Variants in GLYATL2 observed in about 807,000 individuals in gnomAD.
GLYATL2 encodes the protein glycine-N-acyltransferase like 2, also known as glycine N-acyltransferase-like protein 2.
Under a neutral mutation model 21.4 loss-of-function variants are expected in GLYATL2, and 25 were observed. The observed-to-expected ratio is 1.17, with a 90% CI of 0.85 to 1.63. GLYATL2 has a LOEUF of 1.63. GLYATL2 is among the 40% of genes most tolerant of loss of function. The probability of loss-of-function intolerance (pLI) is 0.00; values close to 1 mark genes in which losing one functional copy is unlikely to be tolerated. For missense variants in GLYATL2, 361 were observed against 343.3 expected (o/e 1.05, Z -0.41); for synonymous variants, 114 against 118.2 (o/e 0.96, Z 0.23).
chr11:58,888,736 T>C (rs917866739), intron 1 of GLYATL2, among the ~76,000 whole-genome samples: 2 of 151,920 alleles, frequency 1.3e-5, no homozygotes, highest in East Asian at 3.8e-4. Context: ...AGTTCACCAT[T>C]GTACATTATG....
At position 58,866,169 on chromosome 11, in the gene GLYATL2, C is replaced by T. The variant is rs983369401; in HGVS notation, n.61-27801G>A. Among the ~76,000 whole-genome samples the T allele has an allele frequency of 1.7e-4, 25 of 149,100 alleles. 3 individuals carry two copies. The highest frequency in any genetic ancestry group is 1.4e-3 in the Admixed American group (21 of 14,542). On this transcript the variant is annotated intron_variant and non_coding_transcript_variant, in intron 1 of 4. Transcript: ENST00000533636. ...CATGAAGTACCTAAACATCCCCTTT[C>T]TTCCTCTGTAAAAGCTTCAAGATTC... is the stretch of plus-strand genomic sequence containing the variant.
intron 1 of GLYATL2, among the ~76,000 whole-genome samples, chr11:58,863,045 C>A (rs994230584): frequency 6.6e-6 from 1 of 152,164 alleles, no homozygotes; most frequent in Admixed American, 6.5e-5. Flanking sequence ...GGCAGGCTAG[C>A]CTGGTGCCTG....
intron 1 of GLYATL2, among the ~76,000 whole-genome samples, chr11:58,869,697 A>C (rs1196215735): frequency 6.6e-6 from 1 of 152,226 alleles, no homozygotes; most frequent in Non-Finnish European, 1.5e-5. Flanking sequence ...GATTAAGTAA[A>C]TAAGTACAAA....
intron 1 of GLYATL2, among the ~76,000 whole-genome samples, chr11:58,865,341 T>G (rs1047852871): frequency 1.2e-4 from 18 of 148,648 alleles, no homozygotes; most frequent in African/African-American, 3.9e-4. Flanking sequence ...TCAATCAAAT[T>G]TTTCCTTAAC....
At chr11:58,883,702 C>A (rs950106544) in intron 1 of GLYATL2, among the ~76,000 whole-genome samples, 1 of 152,194 alleles carries the variant, frequency 6.6e-6, no homozygotes, top group African/African-American at 2.4e-5. Context: ...AGGGAATCTT[C>A]TCTAACTCAT....
intron 1 of GLYATL2, among the ~76,000 whole-genome samples, chr11:58,879,855 T>G (rs1854301186): frequency 0.17 from 1 of 6 alleles, no homozygotes; most frequent in South Asian, 0.5. Flanking sequence ...TTTTTCCTTG[T>G]TTTTTTTTTT....
intron 1 of GLYATL2, among the ~76,000 whole-genome samples, chr11:58,888,748 A>G (rs1444026270): frequency 6.6e-6 from 1 of 151,952 alleles, no homozygotes; most frequent in African/African-American, 2.4e-5. Flanking sequence ...TACATTATGC[A>G]ATATATGTAC....
chr11:58,849,024 A>G (rs544069095), upstream of GLYATL2, among the ~76,000 whole-genome samples: 1 of 152,330 alleles, frequency 6.6e-6, no homozygotes, highest in South Asian at 2.1e-4. Context: ...GAAACCTAGG[A>G]GACAGTGGCA....
At chr11:58,881,038 C>A (rs954368550) in intron 1 of GLYATL2, among the ~76,000 whole-genome samples, 2 of 152,086 alleles carry the variant, frequency 1.3e-5, no homozygotes, top group African/African-American at 2.4e-5. Context: ...GTTGTAAGTT[C>A]TTCACATTTT....
At chr11:58,852,395 G>T (rs184453374) in intron 1 of GLYATL2, among the ~76,000 whole-genome samples, 26 of 152,336 alleles carry the variant, frequency 1.7e-4, no homozygotes, top group African/African-American at 6.0e-4. Flanking sequence ...ATTCAGTGAT[G>T]TTTCCAAATT....
chr11:58,859,299 C>G lies in GLYATL2; in HGVS notation n.61-20931G>C, dbSNP rs548164849. On this transcript the variant is annotated intron_variant and non_coding_transcript_variant, in intron 1 of 4. Coordinates refer to the GLYATL2 transcript ENST00000533636. ...CCCTAGGGAATACCTGGATTCCCCACTCTGTCCACATATTGTAGCATTCAT... is the reference window on the plus strand; with the variant it reads ...CCCTAGGGAATACCTGGATTCCCCAGTCTGTCCACATATTGTAGCATTCAT... Among the ~76,000 whole-genome samples the G allele has an allele frequency of 1.8e-3, 269 of 146,654 alleles. 2 individuals carry two copies. Among genetic ancestry groups the G allele is most frequent in the African/African-American group, 6.3e-3 (254 of 40,214 alleles).
At chr11:58,854,723 C>G (rs1242809472) in intron 1 of GLYATL2, among the ~76,000 whole-genome samples, 1 of 152,090 alleles carries the variant, frequency 6.6e-6, no homozygotes, top group Non-Finnish European at 1.5e-5. Flanking sequence ...ATTTTACCCA[C>G]AGTAAAACTT....
At chr11:58,886,431 T>C (rs1245323558) in intron 1 of GLYATL2, among the ~76,000 whole-genome samples, 1 of 152,212 alleles carries the variant, frequency 6.6e-6, no homozygotes, top group Admixed American at 6.5e-5. Flanking sequence ...TAAGGCATTG[T>C]CCAATCTGAA....
upstream of GLYATL2, chr11:58,905,625 A>T: frequency 2.2e-6 from 1 of 456,266 alleles, no homozygotes; most frequent in South Asian, 1.5e-5. Flanking sequence ...GCCGATGAGC[A>T]GGAAGAAGCA....
In GLYATL2 at chr11:58,836,797, G is replaced by A. The variant is rs76087685; in HGVS notation, c.476+218C>T. The stretch of plus-strand genomic sequence containing the variant: ...ATGTCCATTACCCTCTCAGAAGGAC[G>A]TTGTGAGCCCTAAGTGAAATAATAT... On this transcript the variant is annotated intron_variant, in intron 5 of 5. Coordinates refer to ENST00000287275, the MANE Select transcript of GLYATL2 (RefSeq NM_145016.4). Among the ~76,000 whole-genome samples the A allele has an allele frequency of 7.0e-3, 1,064 of 152,242 alleles. 24 individuals carry two copies. The highest frequency in any genetic ancestry group is 0.024 in the African/African-American group (1,004 of 41,538).
In GLYATL2 at chr11:58,834,542, A is replaced by T; in HGVS notation, c.772T>A (p.Phe258Ile). 1 of 1,613,924 alleles carries T rather than the reference A, an allele frequency of 6.2e-7. No homozygotes were observed. The highest frequency in any genetic ancestry group is 1.1e-5 in the South Asian group (1 of 91,062). Residue 258 changes from phenylalanine to isoleucine, a missense_variant, in exon 6 of 6, where the codon TTC becomes ATC. Phe to Ile is a conservative substitution (Grantham distance 21). Transcript: ENST00000287275. ...YLSQKEIPFY[F>I]HVADNNEKSL... The stretch of plus-strand genomic sequence containing the variant: ...TTCTCATTATTATCTGCCACATGGA[A>T]ATAAAATGGGATTTCTTTCTGAGAA...
chr11:58,835,683 G>T (rs1747425269), intron 5 of GLYATL2, among the ~76,000 whole-genome samples: 2 of 152,130 alleles, frequency 1.3e-5, no homozygotes. Flanking sequence ...CACTTCACCT[G>T]ATCCTGGACT....
chr11:58,907,916 A>G (rs1442699320), upstream of GLYATL2: 2 of 153,176 alleles, frequency 1.3e-5, no homozygotes, highest in Admixed American at 6.5e-5. Context: ...TGAATTATGA[A>G]GTTTTCTAGT....
intron 1 of GLYATL2, among the ~76,000 whole-genome samples, chr11:58,852,651 A>G (rs1469142464): frequency 5.3e-5 from 8 of 152,250 alleles, no homozygotes; most frequent in Admixed American, 1.3e-4. Flanking sequence ...AACCTTTGCC[A>G]AGAGCTCTCA....
Sources: allele counts gnomAD v4.1 joint callset (sites outside exome capture counted in the v4.1 genomes callset), GRCh38; gene constraint gnomAD v4.1.1; transcripts MANE v1.5; gene names NCBI Gene and HGNC (gene_info 2026-07-23, HGNC 2026-07-21).